The following AP2A2 variants were observed in gnomAD, a reference collection of about 807,000 sequenced individuals.
AP2A2 encodes AP-2 complex subunit alpha-2.
Under a neutral mutation model 104.2 loss-of-function variants are expected in AP2A2, and 32 were observed. The observed-to-expected ratio is 0.31, with a 90% confidence interval of 0.23 to 0.41. The LOEUF is 0.41. AP2A2 is among the 10% of genes least tolerant of loss of function. The pLI is 1.00. For missense variants in AP2A2, 912 were observed against 1,261.0 expected, an observed-to-expected ratio of 0.72 and a Z score of 4.19; for synonymous variants, 539 against 533.3, an observed-to-expected ratio of 1.01 and a Z score of -0.15.
rs1855279938 is a variant in AP2A2 at position 982,456 on chromosome 11, T to C, written c.705+1157T>C. ...TTGTTTTGTGAAGTGCCTGAGTCTT[T>C]TACCCATTTTTACCCTGGGTTGTCC... On this transcript the variant is annotated intron_variant, in intron 6 of 21. Coordinates refer to ENST00000448903, the MANE Select transcript of AP2A2 (RefSeq NM_012305.4). Among the ~76,000 whole-genome samples, 4 of 152,234 alleles carry C rather than the reference T, an allele frequency of 2.6e-5. No homozygotes were observed. In the South Asian group the frequency reaches 8.3e-4, roughly 31 times the overall value.
chr11:987,654 CA>C (rs776055754), intron 9 of AP2A2, among the ~76,000 whole-genome samples: 1,424 of 136,634 alleles, frequency 0.01, 21 homozygotes, highest in African/African-American at 0.034. Context: ...GACTCCGTCT[CA>C]AAAAAAAAAA....
chr11:963,362 G>A lies in AP2A2; in HGVS notation c.136+3857G>A, dbSNP rs931907837. On this transcript the variant is annotated intron_variant, in intron 2 of 21. Transcript: ENST00000448903. Reference sequence around the variant, plus strand: ...AATCGCTTGAACCTAGGAGGCAGAGGTTGCTGTGAGCCGAGATCGTGCCAG... The same window carrying A: ...AATCGCTTGAACCTAGGAGGCAGAGATTGCTGTGAGCCGAGATCGTGCCAG... 2.6e-5 allele frequency among the ~76,000 whole-genome samples: 4 copies of A among 152,198 alleles called. No homozygotes were observed. In the East Asian group the frequency reaches 7.8e-4, roughly 30 times the overall value.
intron 1 of AP2A2, among the ~76,000 whole-genome samples, chr11:932,219 C>T (rs562791303): frequency 1.0e-3 from 153 of 152,308 alleles, no homozygotes; most frequent in South Asian, 1.4e-3. Flanking sequence ...TCCCAAAGTG[C>T]TGGGATTACA....
intron 1 of AP2A2, among the ~76,000 whole-genome samples, chr11:945,951 GT>G (rs1853816998): frequency 6.6e-6 from 1 of 152,150 alleles, no homozygotes; most frequent in Non-Finnish European, 1.5e-5. Context: ...ACATGTGGAG[GT>G]TTAGAAAACA....
At chr11:989,917 T>G (rs1855590365) in intron 10 of AP2A2, among the ~76,000 whole-genome samples, 1 of 152,200 alleles carries the variant, frequency 6.6e-6, no homozygotes, top group Non-Finnish European at 1.5e-5. Flanking sequence ...TGTTATTTGT[T>G]TTTTTTGGGC....
At chr11:1,010,463 C>A in intron 21 of AP2A2, 85 bp from the exon 22 acceptor site, 2 of 1,143,952 alleles carry the variant, frequency 1.7e-6, no homozygotes, top group Non-Finnish European at 2.5e-6. Context: ...GGGCATGGCC[C>A]ACAGGGTTCT....
chr11:939,419 G>C (rs1389851749), intron 1 of AP2A2, among the ~76,000 whole-genome samples: 1 of 151,968 alleles, frequency 6.6e-6, no homozygotes, highest in Non-Finnish European at 1.5e-5. Flanking sequence ...TACTATTTAT[G>C]GGTGTTCTTT....
chr11:935,603 G>GTTTTTTTTTTTTTT lies in AP2A2; in HGVS notation c.67+9524_67+9537dup, dbSNP rs757190222. On this transcript the variant is annotated intron_variant, in intron 1 of 21. Coordinates refer to ENST00000448903, the MANE Select transcript of AP2A2 (RefSeq NM_012305.4). The stretch of plus-strand genomic sequence containing the variant: ...AAGTGTGAGCCACTGTGCCCGGCCA[G>GTTTTTTTTTTTTTT]TTTTTTTTTTTTTTTTTTTTTTGAG... Among the ~76,000 whole-genome samples, 185 of 77,934 alleles carry GTTTTTTTTTTTTTT rather than the reference G, an allele frequency of 2.4e-3. 25 individuals are homozygous for GTTTTTTTTTTTTTT. The East Asian group carries it at 0.028, about 12-fold the overall frequency. The allele number at this position is 77,934 out of a possible 152,430, so 51.1% of individuals were successfully genotyped here. A position where few individuals can be genotyped will look rare whatever the true frequency, so the allele number is the denominator to read the frequency against.
At chr11:949,638 G>A (rs949140210) in intron 1 of AP2A2, among the ~76,000 whole-genome samples, 1 of 152,050 alleles carries the variant, frequency 6.6e-6, no homozygotes, top group African/African-American at 2.4e-5. Flanking sequence ...AGCTGGGTGT[G>A]GTGGCATGTG....
chr11:988,438 A>G (rs1855536245), intron 9 of AP2A2, 114 bp from the exon 10 acceptor site: 3 of 1,339,710 alleles, frequency 2.2e-6, no homozygotes, highest in Non-Finnish European at 3.1e-6. Context: ...CTGGATGTGC[A>G]TGTGAGGGAA....
chr11:994,590 CT>C (rs1855784020), intron 14 of AP2A2, among the ~76,000 whole-genome samples: 1 of 147,036 alleles, frequency 6.8e-6, no homozygotes, highest in Admixed American at 6.7e-5. Flanking sequence ...CCCCGTTGTC[CT>C]GTCCCGGGGG....
chr11:991,138 T>G (rs1855640597), intron 10 of AP2A2, among the ~76,000 whole-genome samples: 1 of 151,732 alleles, frequency 6.6e-6, no homozygotes, highest in African/African-American at 2.4e-5. Context: ...CCGGGTATGG[T>G]GCTCCCCTCC....
At chr11:971,371 C>A (rs1397816477) in intron 3 of AP2A2, among the ~76,000 whole-genome samples, 1 of 152,108 alleles carries the variant, frequency 6.6e-6, no homozygotes, top group East Asian at 1.9e-4. Flanking sequence ...CGTGCGAGCG[C>A]AGGGCTGAAA....
rs553247793 is a variant in AP2A2, at chr11:930,722, G to A, written c.67+4634G>A. Among the ~76,000 whole-genome samples the A allele has an allele frequency of 4.6e-5, 7 of 152,200 alleles. No individual in the cohort carries two copies. In the East Asian group the frequency reaches 9.7e-4, roughly 21 times the overall value. ...TTTTTAGTAGAGACGGGGTTTCACC[G>A]TGTTAGCCAGGATGGTCTCGGTCTC... is the stretch of plus-strand genomic sequence containing the variant. On this transcript the variant is annotated intron_variant, in intron 1 of 21. Transcript: ENST00000448903.
In AP2A2 at chr11:1,011,067, C is replaced by T. The variant is rs747983887; in HGVS notation, c.*442C>T. On this transcript the variant is annotated 3_prime_UTR_variant, in exon 22 of 22. Transcript: ENST00000448903. ...GTGTGGCCGTCCTGGTGGCTGCACA[C>T]CTGGCGTCGTCCTGGGCCCTTGGGA... 8 of 621,862 alleles carry T rather than the reference C, an allele frequency of 1.3e-5. No homozygotes were observed. Among genetic ancestry groups the T allele is most frequent in the Admixed American group, 1.9e-5 (1 of 52,988 alleles). 38.5% of individuals were successfully genotyped at this position (621,862 alleles called of 1,614,324 possible).
intron 14 of AP2A2, among the ~76,000 whole-genome samples, chr11:999,630 A>G (rs1227938928): frequency 1.3e-5 from 2 of 151,528 alleles, no homozygotes; most frequent in Non-Finnish European, 2.9e-5. Context: ...TGCCCAGCCA[A>G]AAAGCAATTA....
At chr11:945,646 T>G (rs897588074) in intron 1 of AP2A2, among the ~76,000 whole-genome samples, 1 of 152,124 alleles carries the variant, frequency 6.6e-6, no homozygotes, top group Non-Finnish European at 1.5e-5. Flanking sequence ...CTTTCTGTTT[T>G]GCTGGTAGAA....
chr11:963,133 G>GA (rs200746644), intron 2 of AP2A2, among the ~76,000 whole-genome samples: 4,160 of 150,802 alleles, frequency 0.028, 197 homozygotes, highest in African/African-American at 0.093. Context: ...GTAATCAATT[G>GA]AAAAAAAAAC....
Position 979,665 on chromosome 11 carries a change from G to T in AP2A2, c.604-1533G>T, listed in dbSNP as rs151002138. Among the ~76,000 whole-genome samples, 1,203 of 152,274 alleles carry T rather than the reference G, an allele frequency of 7.9e-3. 24 individuals are homozygous for T. Among genetic ancestry groups the T allele is most frequent in the African/African-American group, 0.028 (1,149 of 41,570 alleles). On this transcript the variant is annotated intron_variant, in intron 5 of 21. Coordinates refer to ENST00000448903, the MANE Select transcript of AP2A2 (RefSeq NM_012305.4). Reference sequence around the variant, plus strand: ...CAACCTCTGCCTCCTGGGTTCAGGCGATTGTCCTGCCTCAGCTTCCCGAGT... The same window carrying T: ...CAACCTCTGCCTCCTGGGTTCAGGCTATTGTCCTGCCTCAGCTTCCCGAGT...
Sources: gnomAD v4.1 joint callset for allele counts (sites outside exome capture counted in the v4.1 genomes callset) on GRCh38, gnomAD v4.1.1 for gene constraint, MANE v1.5 for transcripts, NCBI Gene and HGNC (gene_info 2026-07-23, HGNC 2026-07-21) for gene names.